The following PCNX2 variants were observed in gnomAD, a reference collection of about 807,000 sequenced individuals.
The protein encoded by PCNX2 is pecanex 2.
A neutral mutation model predicts 223.8 loss-of-function variants in PCNX2; 168 were observed. The ratio of observed to expected loss-of-function variants is 0.75; its 90% CI spans 0.66 to 0.85. The LOEUF (loss-of-function observed/expected upper bound fraction) is 0.85, where lower values mean the gene tolerates loss of function less well. Among genes scored for constraint, PCNX2 ranks in the 40% least tolerant of loss-of-function variants. The pLI is 0.00. For synonymous variants in PCNX2, 1,006 were observed against 1,052.6 expected, an observed-to-expected ratio of 0.96 and a Z score of 0.86; for missense variants, 2,507 against 2,675.5, an observed-to-expected ratio of 0.94 and a Z score of 1.39.
chr1:233,127,940 C>A (rs1377447170), intron 21 of PCNX2, among the ~76,000 whole-genome samples: 1 of 151,718 alleles, frequency 6.6e-6, no homozygotes. Flanking sequence ...ACAAGTACTT[C>A]TGTATAAGTA....
At chr1:233,271,905 T>C (rs760403858) in intron 1 of PCNX2, among the ~76,000 whole-genome samples, 2 of 152,218 alleles carry the variant, frequency 1.3e-5, no homozygotes, top group Non-Finnish European at 2.9e-5. Flanking sequence ...AATCAGGTAA[T>C]GTGATGCCTC....
the PCNX2 span, among the ~76,000 whole-genome samples, chr1:233,316,987 C>G: frequency 6.6e-6 from 1 of 152,156 alleles, no homozygotes; most frequent in Non-Finnish European, 1.5e-5. Flanking sequence ...TAATGCTTGA[C>G]GTTCACAAAA....
At position 233,001,298 on chromosome 1, in the gene PCNX2, G is replaced by A. The variant is rs1433266589; in HGVS notation, c.5097+239C>T. 6.6e-6 allele frequency among the ~76,000 whole-genome samples: 1 copy of A among 152,124 alleles called. No homozygotes were observed. The highest frequency in any genetic ancestry group is 1.5e-5 in the Non-Finnish European group (1 of 68,044). ...AGTTCGAGATCAGCCTGACCAACAT[G>A]GAGAAACCCCATTTCTACTACAAAT... On this transcript the variant is annotated intron_variant, in intron 29 of 33. Coordinates refer to ENST00000258229, the MANE Select transcript of PCNX2 (RefSeq NM_014801.4). The surrounding 1 kb of genome is among the most constrained non-coding windows in gnomAD (Gnocchi z 4.2).
At chr1:233,183,115 C>T (rs928915080) in intron 15 of PCNX2, among the ~76,000 whole-genome samples, 1 of 152,178 alleles carries the variant, frequency 6.6e-6, no homozygotes, top group Admixed American at 6.5e-5. Flanking sequence ...AGCTCGAACT[C>T]AAAGGCAGCT....
intron 1 of PCNX2, among the ~76,000 whole-genome samples, chr1:233,266,735 G>A (rs11582224): frequency 0.3 from 45,429 of 152,046 alleles, 6,983 homozygotes; most frequent in South Asian, 0.45. Context: ...ATTTCTATGA[G>A]CTTTTCATTT....
chr1:233,170,359 A>C (rs1679078282), intron 17 of PCNX2, among the ~76,000 whole-genome samples: 1 of 152,142 alleles, frequency 6.6e-6, no homozygotes, highest in East Asian at 1.9e-4. Context: ...TGAAATGGTG[A>C]GTCGGTGTGA....
At chr1:233,033,386 C>T (rs1671336490) in intron 25 of PCNX2, among the ~76,000 whole-genome samples, 1 of 152,130 alleles carries the variant, frequency 6.6e-6, no homozygotes, top group Non-Finnish European at 1.5e-5. Context: ...TTCTAGGATA[C>T]CCAGTACATT....
rs757847115 is a variant in PCNX2, at chr1:232,999,312, C to T, written c.5396G>A (p.Arg1799His). ...QQQELIFLRN[R>H]NPERGSIQNN... ...CTGGATACTGCCGCGCTCCGGATTGCGGTTGCGAAGAAATATAAGCTCCTG... is the reference window on the plus strand; with the variant it reads ...CTGGATACTGCCGCGCTCCGGATTGTGGTTGCGAAGAAATATAAGCTCCTG... Residue 1799 changes from arginine (R) to histidine (H), a missense_variant, in exon 31 of 34, where the codon CGC (arginine) becomes CAC (histidine). Transcript: ENST00000258229. The T allele has an allele frequency of 1.2e-5, 19 of 1,606,262 alleles. No homozygotes were observed. Among genetic ancestry groups the T allele is most frequent in the Middle Eastern group, 3.3e-4 (2 of 6,012 alleles).
intron 15 of PCNX2, among the ~76,000 whole-genome samples, chr1:233,186,442 C>T (rs1485721575): frequency 1.3e-5 from 2 of 152,010 alleles, no homozygotes; most frequent in Non-Finnish European, 1.5e-5. Flanking sequence ...TCTTACTTCA[C>T]ACACGGCCTG....
intron 25 of PCNX2, chr1:233,032,132 C>T (rs1044286277): frequency 1.1e-6 from 1 of 883,890 alleles, no homozygotes; most frequent in Non-Finnish European, 1.4e-6. Context: ...GATAGAGTTT[C>T]ACTCTTGTTG....
intron 16 of PCNX2, 104 bp from the exon 17 acceptor site, chr1:233,178,002 G>C: frequency 2.6e-6 from 2 of 778,156 alleles, no homozygotes; most frequent in South Asian, 3.5e-5. Flanking sequence ...ACAAAAACAA[G>C]TGCTCTCTTC....
rs78598534 is a variant in PCNX2, at chr1:232,991,238, G to A, written c.5792-4698C>T. Among the ~76,000 whole-genome samples the A allele has an allele frequency of 9.1e-3, 1,379 of 152,214 alleles. 29 individuals are homozygous for A. Among genetic ancestry groups the A allele is most frequent in the African/African-American group, 0.03 (1,244 of 41,526 alleles). On this transcript the variant is annotated intron_variant, in intron 32 of 33. Coordinates refer to ENST00000258229, the MANE Select transcript of PCNX2 (RefSeq NM_014801.4). The surrounding 1 kb of genome is among the most constrained non-coding windows in gnomAD (Gnocchi z 4.3). ...TTGATGGGAGGCTGTGTGAGTAAGCGAAGGAGCTGCAAGCCTGGGAGAGGG... is the reference window on the plus strand; with the variant it reads ...TTGATGGGAGGCTGTGTGAGTAAGCAAAGGAGCTGCAAGCCTGGGAGAGGG...
At chr1:233,196,073 C>T (rs538601034) in intron 15 of PCNX2, among the ~76,000 whole-genome samples, 1 of 152,180 alleles carries the variant, frequency 6.6e-6, no homozygotes, top group East Asian at 1.9e-4. Flanking sequence ...TAAAGAAAGG[C>T]ATGCAGAACA....
At position 233,179,171 on chromosome 1, in the gene PCNX2, G is replaced by A. The variant is rs779363027; in HGVS notation, c.3071C>T (p.Pro1024Leu). 16 of 1,613,474 alleles carry A rather than the reference G, an allele frequency of 9.9e-6. No individual in the cohort carries two copies. Among genetic ancestry groups the A allele is most frequent in the East Asian group, 2.2e-5 (1 of 44,870 alleles). ...HAVCFSAVKE[P>L]WSMQHIPALF... Reference sequence around the variant, plus strand: ...TGCCGGGATGTGTTGCATGCTCCACGGTTCCTAAAGAAAAGACATCAGTTA... The same window carrying A: ...TGCCGGGATGTGTTGCATGCTCCACAGTTCCTAAAGAAAAGACATCAGTTA... Residue 1024 changes from proline (P) to leucine (L), a missense_variant, in exon 16 of 34, where the codon CCG (proline) becomes CTG (leucine). Pro to Leu is a moderately conservative substitution (Grantham distance 98). Transcript: ENST00000258229.
intron 17 of PCNX2, among the ~76,000 whole-genome samples, chr1:233,172,082 T>G (rs1450055594): frequency 1.3e-5 from 2 of 152,230 alleles, no homozygotes. Flanking sequence ...TTAAATATTT[T>G]CTATGGTCTA....
At chr1:233,054,975 C>G (rs936309329) in intron 24 of PCNX2, among the ~76,000 whole-genome samples, 19 of 152,136 alleles carry the variant, frequency 1.2e-4, no homozygotes, top group African/African-American at 3.6e-4. Context: ...TAGAATAATG[C>G]ATTCATCTGT....
intron 8 of PCNX2, among the ~76,000 whole-genome samples, chr1:233,244,030 T>C (rs551186703): frequency 2.0e-5 from 3 of 152,020 alleles, no homozygotes; most frequent in Non-Finnish European, 4.4e-5. Flanking sequence ...GGGGTTTCAC[T>C]ATGTTGATCA....
intron 5 of PCNX2, among the ~76,000 whole-genome samples, chr1:233,254,807 C>T (rs983221269): frequency 6.6e-6 from 1 of 151,522 alleles, no homozygotes; most frequent in Admixed American, 6.6e-5. Context: ...TATTCATCTA[C>T]ATCATCTAAA....
chr1:232,998,547 G>A, intron 31 of PCNX2, 109 bp from the exon 32 acceptor site: 1 of 1,174,004 alleles, frequency 8.5e-7, no homozygotes, highest in Non-Finnish European at 1.2e-6. Flanking sequence ...TGCTCTCCAG[G>A]TGAGTAGCCC....
Sources: allele counts gnomAD v4.1 joint callset (sites outside exome capture counted in the v4.1 genomes callset), GRCh38; gene constraint gnomAD v4.1.1; non-coding constraint Gnocchi (gnomAD v3.1); transcripts MANE v1.5; gene names NCBI Gene and HGNC (gene_info 2026-07-23, HGNC 2026-07-21).